The following STK39 variants were observed in gnomAD, a reference collection of about 807,000 sequenced individuals.
The protein encoded by STK39 is serine/threonine kinase 39.
In STK39, 20 loss-of-function variants were observed where a neutral mutation model predicts 77.8. The ratio of observed to expected loss-of-function variants is 0.26; its 90% CI spans 0.18 to 0.37. The LOEUF is 0.37. Among genes scored for constraint, STK39 ranks in the 10% least tolerant of loss-of-function variants. The pLI is 1.00. For missense variants in STK39, 479 were observed against 656.5 expected, an observed-to-expected ratio of 0.73 and a Z score of 2.95; for synonymous variants, 246 against 234.1, an observed-to-expected ratio of 1.05 and a Z score of -0.47.
At chr2:168,111,670 C>T (rs747492047) in intron 10 of STK39, among the ~76,000 whole-genome samples, 1 of 152,150 alleles carries the variant, frequency 6.6e-6, no homozygotes, top group African/African-American at 2.4e-5. Context: ...CTAAAACAAG[C>T]AAAATTCATT....
At chr2:168,019,739 T>C (rs1037863689) in intron 14 of STK39, among the ~76,000 whole-genome samples, 9 of 152,190 alleles carry the variant, frequency 5.9e-5, no homozygotes, top group South Asian at 2.1e-4. Flanking sequence ...CTCTGTTGCC[T>C]GTCTCCCAGG....
intron 8 of STK39, among the ~76,000 whole-genome samples, chr2:168,136,609 T>C (rs1687848834): frequency 6.6e-6 from 1 of 152,142 alleles, no homozygotes; most frequent in Non-Finnish European, 1.5e-5. Flanking sequence ...AGGAAGACCA[T>C]CTATAATAAC....
rs201913603 is a variant in STK39 at position 168,138,093 on chromosome 2, G to A, written c.969C>T (p.Ser323=). 5 of 1,613,300 alleles carry A rather than the reference G, an allele frequency of 3.1e-6. No individual in the cohort carries two copies. Among genetic ancestry groups the A allele is most frequent in the Middle Eastern group, 1.7e-4 (1 of 6,058 alleles). ...LLSLCLQKDP[S]KRPTAAELLK... ...ATCCACTAAGTTTCACTTACCTTTTGGAAGGATCTTTCTGAAGACACAGTG... is the reference window on the plus strand; with the variant it reads ...ATCCACTAAGTTTCACTTACCTTTTAGAAGGATCTTTCTGAAGACACAGTG... Residue 323 remains serine (S), a synonymous_variant, in exon 8 of 18, where the codon TCC becomes TCT. Transcript: ENST00000355999.
chr2:168,009,818 A>G (rs1449677378), intron 16 of STK39, among the ~76,000 whole-genome samples: 2 of 152,226 alleles, frequency 1.3e-5, no homozygotes, highest in Non-Finnish European at 2.9e-5. Flanking sequence ...AGTTTTTGGA[A>G]GAATAATTAA....
intron 10 of STK39, among the ~76,000 whole-genome samples, chr2:168,116,689 G>A (rs1235098015): frequency 1.3e-5 from 2 of 152,074 alleles, no homozygotes; most frequent in African/African-American, 4.8e-5. Flanking sequence ...CAACCTAAGA[G>A]GCCAGGGCAG....
intron 10 of STK39, among the ~76,000 whole-genome samples, chr2:168,085,025 T>G (rs1482371132): frequency 1.3e-5 from 2 of 152,192 alleles, no homozygotes; most frequent in African/African-American, 2.4e-5. Flanking sequence ...AGACAAAGCA[T>G]CTTGTGGTCA....
intron 1 of STK39, among the ~76,000 whole-genome samples, chr2:168,226,285 G>T (rs1559155312): frequency 6.9e-6 from 1 of 145,326 alleles, no homozygotes; most frequent in Non-Finnish European, 1.5e-5. Flanking sequence ...CAATTCCCAA[G>T]ACCGAGACCC....
chr2:168,081,993 C>T (rs954153557), intron 10 of STK39, among the ~76,000 whole-genome samples: 1 of 152,138 alleles, frequency 6.6e-6, no homozygotes, highest in Non-Finnish European at 1.5e-5. Flanking sequence ...TGCCTAGTCT[C>T]GGGTATGTCT....
intron 1 of STK39, among the ~76,000 whole-genome samples, chr2:168,233,297 T>A (rs751296920): frequency 2.6e-5 from 4 of 152,194 alleles, no homozygotes; most frequent in Admixed American, 6.5e-5. Context: ...AAAGGGCATA[T>A]ACAAGGAAAA....
At chr2:168,041,518 T>C (rs1445361506) in intron 14 of STK39, among the ~76,000 whole-genome samples, 1 of 152,142 alleles carries the variant, frequency 6.6e-6, no homozygotes, top group Non-Finnish European at 1.5e-5. Flanking sequence ...CTCTACAGTA[T>C]GTCTGCAAGT....
At chr2:168,122,040 T>A (rs1687420406) in intron 10 of STK39, among the ~76,000 whole-genome samples, 2 of 152,218 alleles carry the variant, frequency 1.3e-5, no homozygotes, top group South Asian at 4.1e-4. Flanking sequence ...TTTTGTAAAA[T>A]TTTTATTTTC....
At chr2:168,048,745 A>G (rs1284789355) in intron 14 of STK39, among the ~76,000 whole-genome samples, 1 of 152,028 alleles carries the variant, frequency 6.6e-6, no homozygotes, top group Non-Finnish European at 1.5e-5. Flanking sequence ...TTCTCTAGCT[A>G]CCTTCTGTAA....
chr2:168,217,336 T>C (rs898014454), intron 1 of STK39, among the ~76,000 whole-genome samples: 5 of 152,306 alleles, frequency 3.3e-5, no homozygotes, highest in Admixed American at 3.3e-4. Flanking sequence ...CCCCAATTTC[T>C]ATCAATCAGA....
intron 5 of STK39, among the ~76,000 whole-genome samples, chr2:168,157,164 T>C (rs3769392): frequency 0.28 from 42,376 of 152,102 alleles, 6,812 homozygotes; most frequent in East Asian, 0.56. Context: ...AAGATGCAGA[T>C]TTAAAATGAA....
intron 16 of STK39, among the ~76,000 whole-genome samples, chr2:168,000,893 A>G (rs79026433): frequency 0.034 from 5,183 of 152,294 alleles, 235 homozygotes; most frequent in East Asian, 0.2. Context: ...TTTGAATCTG[A>G]TGGTCTGATT....
intron 16 of STK39, among the ~76,000 whole-genome samples, chr2:167,971,338 C>T (rs898818192): frequency 6.6e-6 from 1 of 152,160 alleles, no homozygotes; most frequent in Non-Finnish European, 1.5e-5. Context: ...CCTCTTACAT[C>T]TGACTAGGTC....
At chr2:167,969,374 C>T (rs571621167) in intron 16 of STK39, among the ~76,000 whole-genome samples, 2 of 152,258 alleles carry the variant, frequency 1.3e-5, no homozygotes, top group Non-Finnish European at 2.9e-5. Flanking sequence ...CCATCAACTT[C>T]GGGATAAAGT....
intron 8 of STK39, among the ~76,000 whole-genome samples, chr2:168,135,464 A>G (rs2105518804): frequency 6.6e-6 from 1 of 152,286 alleles, no homozygotes; most frequent in African/African-American, 2.4e-5. Context: ...TAGGAATCCC[A>G]CCCACAGGTA....
chr2:167,985,504 T>C (rs1683535604), intron 16 of STK39, among the ~76,000 whole-genome samples: 1 of 152,146 alleles, frequency 6.6e-6, no homozygotes, highest in African/African-American at 2.4e-5. Context: ...CAAGAGGAAG[T>C]TGTTCATCCT....
Sources: gnomAD v4.1 joint callset for allele counts (sites outside exome capture counted in the v4.1 genomes callset) on GRCh38, gnomAD v4.1.1 for gene constraint, MANE v1.5 for transcripts, NCBI Gene and HGNC (gene_info 2026-07-23, HGNC 2026-07-21) for gene names.